The following TNFAIP8L3 variants were observed in gnomAD, a reference collection of about 807,000 sequenced individuals.
The protein encoded by TNFAIP8L3 is tumor necrosis factor alpha-induced protein 8-like protein 3.
A neutral mutation model predicts 11.8 loss-of-function variants in TNFAIP8L3; 7 were observed. The ratio of observed to expected loss-of-function variants is 0.59; its 90% CI spans 0.34 to 1.11. The LOEUF (loss-of-function observed/expected upper bound fraction) is 1.11, where lower values mean the gene tolerates loss of function less well. TNFAIP8L3 is among the 50% of genes most tolerant of loss of function. The pLI is 0.03. For missense variants in TNFAIP8L3, 219 were observed against 258.6 expected, an observed-to-expected ratio of 0.85 and a Z score of 1.05; for synonymous variants, 98 against 103.8, an observed-to-expected ratio of 0.94 and a Z score of 0.34.
intron 1 of TNFAIP8L3, among the ~76,000 whole-genome samples, chr15:51,076,567 G>A (rs2065351564): frequency 6.6e-6 from 1 of 152,198 alleles, no homozygotes; most frequent in Non-Finnish European, 1.5e-5. Flanking sequence ...AAATCACCAG[G>A]TGTGGTCACT....
intron 1 of TNFAIP8L3, among the ~76,000 whole-genome samples, chr15:51,082,815 C>T (rs1192271551): frequency 2.0e-5 from 3 of 152,084 alleles, no homozygotes; most frequent in African/African-American, 4.8e-5. Context: ...GGGTCAAGAT[C>T]GTCAAAACAT....
At chr15:51,094,911 G>C, upstream of TNFAIP8L3, among the ~76,000 whole-genome samples, 1 of 151,514 alleles carries the variant, frequency 6.6e-6, no homozygotes, top group East Asian at 2.0e-4. The surrounding 1 kb of genome is among the most constrained non-coding windows in gnomAD (Gnocchi z 4.4). Flanking sequence ...TCCGGCGCCC[G>C]GCGGGCTCCA....
chr15:51,058,540 A>C, intron 1 of TNFAIP8L3, 97 bp from the exon 2 acceptor site: 1 of 1,171,718 alleles, frequency 8.5e-7, no homozygotes, highest in Admixed American at 3.0e-5. Flanking sequence ...TTATGTTCTT[A>C]GAGCAAAAAC....
intron 1 of TNFAIP8L3, among the ~76,000 whole-genome samples, chr15:51,089,578 C>G (rs55939501): frequency 6.6e-6 from 1 of 152,058 alleles, no homozygotes; most frequent in African/African-American, 2.4e-5. Flanking sequence ...TCCCATAATT[C>G]CTAACACAGA....
At chr15:51,091,183 A>G (rs1303177762) in intron 1 of TNFAIP8L3, among the ~76,000 whole-genome samples, 1 of 152,240 alleles carries the variant, frequency 6.6e-6, no homozygotes, top group East Asian at 1.9e-4. Flanking sequence ...ACATAGAAGC[A>G]TCATTCTGTG....
At chr15:51,105,225 A>T (rs778623468) in exon 1 of TNFAIP8L3, 1 of 1,587,538 alleles carries the variant, frequency 6.3e-7, no homozygotes, top group Non-Finnish European at 8.6e-7. Flanking sequence ...TTGCACACTG[A>T]CTCTTTAGGA....
At chr15:51,086,981 C>T (rs976193236) in intron 1 of TNFAIP8L3, among the ~76,000 whole-genome samples, 6 of 152,004 alleles carry the variant, frequency 3.9e-5, no homozygotes, top group African/African-American at 7.2e-5. Flanking sequence ...TTCTGCCTCC[C>T]GAGTTCAAGC....
chr15:51,060,840 A>T (rs1424820183), intron 1 of TNFAIP8L3, among the ~76,000 whole-genome samples: 1 of 152,230 alleles, frequency 6.6e-6, no homozygotes, highest in East Asian at 1.9e-4. Flanking sequence ...GATTTATTTT[A>T]AAAATAATTA....
intron 1 of TNFAIP8L3, among the ~76,000 whole-genome samples, chr15:51,077,741 T>C (rs7172283): frequency 0.33 from 49,595 of 152,150 alleles, 8,722 homozygotes; most frequent in Middle Eastern, 0.49. Flanking sequence ...CTTAATAATA[T>C]GCACATGCGC....
rs2065321403 is a variant in TNFAIP8L3 at position 51,072,989 on chromosome 15, C to CTTTTTTTTTTTTTTTTTTTTTTTTTTTT, written c.53-14547_53-14546insAAAAAAAAAAAAAAAAAAAAAAAAAAAA. Among the ~76,000 whole-genome samples the CTTTTTTTTTTTTTTTTTTTTTTTTTTTT allele has an allele frequency of 4.4e-5, 2 of 45,752 alleles. 1 individual carries two copies. The allele number at this position is 45,752 out of a possible 152,430, so 30.0% of individuals were successfully genotyped here. A position where few individuals can be genotyped will look rare whatever the true frequency, so the allele number is the denominator to read the frequency against. On this transcript the variant is annotated intron_variant, in intron 1 of 1. Transcript: ENST00000637513. Reference sequence around the variant, plus strand: ...ATGTTGATCTGAAGTAAACTGGGATCCTTTTTTTTTTTTTTTTTTTTTTTG... The same window carrying CTTTTTTTTTTTTTTTTTTTTTTTTTTTT: ...ATGTTGATCTGAAGTAAACTGGGATCTTTTTTTTTTTTTTTTTTTTTTTTTTTTCTTTTTTTTTTTTTTTTTTTTTTTG...
At chr15:51,059,627 G>T (rs570765491) in intron 1 of TNFAIP8L3, among the ~76,000 whole-genome samples, 1 of 152,212 alleles carries the variant, frequency 6.6e-6, no homozygotes, top group Non-Finnish European at 1.5e-5. Context: ...CACCTAGCTC[G>T]TTCTGAGCAT....
chr15:51,079,343 C>T (rs79481919), intron 1 of TNFAIP8L3, among the ~76,000 whole-genome samples: 68 of 152,342 alleles, frequency 4.5e-4, no homozygotes, highest in Admixed American at 3.3e-4. Flanking sequence ...CCTTGTGGAG[C>T]AATCAGTCAT....
chr15:51,084,183 GGT>G (rs59399155), intron 1 of TNFAIP8L3, among the ~76,000 whole-genome samples: 116 of 150,382 alleles, frequency 7.7e-4, no homozygotes, highest in African/African-American at 2.4e-3. Context: ...GATGTATAGG[GGT>G]GTGTGTGTGT....
chr15:51,082,105 T>TA (rs1296947666), intron 1 of TNFAIP8L3, among the ~76,000 whole-genome samples: 1 of 151,492 alleles, frequency 6.6e-6, no homozygotes, highest in Admixed American at 6.6e-5. Context: ...ATAGTCAACA[T>TA]AGAGTCATGA....
At chr15:51,060,878 G>A (rs1019508499) in intron 1 of TNFAIP8L3, among the ~76,000 whole-genome samples, 21 of 152,222 alleles carry the variant, frequency 1.4e-4, no homozygotes, top group Non-Finnish European at 2.5e-4. Context: ...GCTCATGCCT[G>A]TAATCCCAGC....
At chr15:51,093,773 C>T (rs895817528) in intron 1 of TNFAIP8L3, among the ~76,000 whole-genome samples, 2 of 152,096 alleles carry the variant, frequency 1.3e-5, no homozygotes, top group Non-Finnish European at 2.9e-5. Flanking sequence ...GGCGGCAAGT[C>T]GACCCACGGC....
chr15:51,088,057 T>C (rs2065442775), intron 1 of TNFAIP8L3, among the ~76,000 whole-genome samples: 1 of 151,136 alleles, frequency 6.6e-6, no homozygotes, highest in Non-Finnish European at 1.5e-5. Flanking sequence ...TTGTATAGAA[T>C]ACAGCCCAAA....
chr15:51,059,918 A>G (rs749814927), intron 1 of TNFAIP8L3, among the ~76,000 whole-genome samples: 27 of 152,216 alleles, frequency 1.8e-4, no homozygotes, highest in Non-Finnish European at 3.5e-4. Context: ...TAAAGCAGCG[A>G]GCACCAGGGG....
upstream of TNFAIP8L3, among the ~76,000 whole-genome samples, chr15:51,097,856 G>GGC (rs1555469085): frequency 1.3e-4 from 20 of 151,830 alleles, no homozygotes; most frequent in African/African-American, 4.6e-4. Context: ...ATTTCTTGTG[G>GGC]GGGGGGAAAA....
Sources: allele counts gnomAD v4.1 joint callset (sites outside exome capture counted in the v4.1 genomes callset), GRCh38; gene constraint gnomAD v4.1.1; non-coding constraint Gnocchi (gnomAD v3.1); transcripts MANE v1.5; gene names NCBI Gene and HGNC (gene_info 2026-07-23, HGNC 2026-07-21).